EPHA8: variants seen among roughly 807,000 people sequenced by gnomAD.
EPHA8 encodes EPH receptor A8.
EPHA8 carries 58 observed loss-of-function variants against 103.6 expected under a neutral mutation model. That is an observed-to-expected ratio of 0.56 (90% CI 0.45 to 0.70). The LOEUF is 0.70. Among genes scored for constraint, EPHA8 ranks in the 30% least tolerant of loss-of-function variants. EPHA8 has a pLI of 0.00. For missense variants in EPHA8, 1,304 were observed against 1,395.2 expected (o/e 0.93, Z 1.04); for synonymous variants, 559 against 572.5 (o/e 0.98, Z 0.34).
At chr1:22,584,766 C>T (rs1641142325) in intron 3 of EPHA8, among the ~76,000 whole-genome samples, 1 of 152,112 alleles carries the variant, frequency 6.6e-6, no homozygotes, top group South Asian at 2.1e-4. Flanking sequence ...GGGGTCTCTG[C>T]CCAGAGCAGA....
chr1:22,601,045 A>C lies in EPHA8; in HGVS notation c.2686A>C (p.Ile896Leu), dbSNP rs375664082. ...SQIVSVLDAL[I>L]RSPESLRATA... ...GATTGTCAGTGTCCTCGATGCGCTC[A>C]TCCGCAGCCCTGAGAGTCTCAGGGC... The change falls in exon 15 of 17, where the codon ATC becomes CTC. Residue 896 changes from isoleucine (I) to leucine (L), a missense_variant. Ile to Leu is a conservative substitution (Grantham distance 5, BLOSUM62 2). Transcript: ENST00000166244. 1 of 1,612,110 alleles carries C rather than the reference A, an allele frequency of 6.2e-7. No individual in the cohort carries two copies. Among genetic ancestry groups the C allele is most frequent in the Non-Finnish European group, 8.5e-7 (1 of 1,179,602 alleles).
In EPHA8 at chr1:22,596,189, C is replaced by G. The variant is rs762384519; in HGVS notation, c.1765+16C>G. On this transcript the variant is annotated intron_variant, in intron 9 of 16. Transcript: ENST00000166244. Reference sequence around the variant, plus strand: ...AATGGACAGGGTGAGTGCAGGGGCCCGGTGGTCTGGGGCAGAGGGAAGGCC... The same window carrying G: ...AATGGACAGGGTGAGTGCAGGGGCCGGGTGGTCTGGGGCAGAGGGAAGGCC... 1.9e-6 allele frequency: 3 copies of G among 1,612,712 alleles called. No homozygotes were observed. The highest frequency in any genetic ancestry group is 1.1e-5 in the South Asian group (1 of 90,946).
At position 22,592,836 on chromosome 1, in the gene EPHA8, G is replaced by A. The variant is rs114116487; in HGVS notation, c.1316-490G>A. Among the ~76,000 whole-genome samples, 633 of 133,650 alleles carry A rather than the reference G, an allele frequency of 4.7e-3. 9 individuals are homozygous for A. Among genetic ancestry groups the A allele is most frequent in the African/African-American group, 0.016 (575 of 36,560 alleles). 87.7% of individuals were successfully genotyped at this position (133,650 alleles called of 152,430 possible). A position where few individuals can be genotyped will look rare whatever the true frequency, so the allele number is the denominator to read the frequency against. On this transcript the variant is annotated intron_variant, in intron 5 of 16. Transcript: ENST00000166244. ...CATGAAGAAAGGCATGGGTGACGCC[G>A]TCAAGGAGGGAGGGGTGGGCGGGCA...
rs759848330 is a variant in EPHA8, at chr1:22,599,051, C to T, written c.2388+4C>T. The stretch of plus-strand genomic sequence containing the variant: ...GGATGCTGCCTACACCACCACGGTG[C>T]GTCGCCCACACTCCTTCCGGCTAGA... On this transcript the variant is annotated splice_donor_region_variant and intron_variant, in intron 13 of 16. Transcript: ENST00000166244. 11 of 1,593,320 alleles carry T rather than the reference C, an allele frequency of 6.9e-6. No homozygotes were observed. The highest frequency in any genetic ancestry group is 1.8e-5 in the Admixed American group (1 of 57,112).
chr1:22,578,490 A>G (rs961726483), intron 3 of EPHA8, among the ~76,000 whole-genome samples: 6 of 132,252 alleles, frequency 4.5e-5, no homozygotes, highest in Admixed American at 3.1e-4. Context: ...GAGTGTGTGC[A>G]TGTGTGCATG....
chr1:22,583,377 G>A (rs1036673149), intron 3 of EPHA8, among the ~76,000 whole-genome samples: 1 of 152,214 alleles, frequency 6.6e-6, no homozygotes, highest in African/African-American at 2.4e-5. Flanking sequence ...GGTATTAGCC[G>A]AGTGTGTGAG....
At chr1:22,596,030 A>G (rs1402705126) in intron 8 of EPHA8, 76 bp from the exon 9 acceptor site, 2 of 1,371,634 alleles carry the variant, frequency 1.5e-6, no homozygotes, top group Non-Finnish European at 2.1e-6. Flanking sequence ...AGAAGCCATG[A>G]CTCGTTCCCT....
Position 22,569,273 on chromosome 1 carries a change from G to A in EPHA8, c.95-16G>A. 1.2e-6 allele frequency: 2 copies of A among 1,613,262 alleles called. No individual in the cohort carries two copies. Among genetic ancestry groups the A allele is most frequent in the East Asian group, 2.2e-5 (1 of 44,752 alleles). On this transcript the variant is annotated splice_polypyrimidine_tract_variant and intron_variant, in intron 1 of 16. Coordinates refer to ENST00000166244, the MANE Select transcript of EPHA8 (RefSeq NM_020526.5). This position sits in a 1 kb window ranked among gnomAD's most constrained non-coding sequence, Gnocchi z 4.5. ...AGTCAGAGGGGCCTGATGCCCTCTT[G>A]TCTCCTGTTTTACAGTGAATTTGCT...
chr1:22,595,389 A>G, intron 8 of EPHA8, 66 bp downstream of exon 8: 1 of 1,365,546 alleles, frequency 7.3e-7, no homozygotes, highest in Non-Finnish European at 1.0e-6. Flanking sequence ...GCCTGCCCCC[A>G]GCCCCACCGA....
In EPHA8 at chr1:22,597,556, C is replaced by T; in HGVS notation, c.1930+80C>T. 6.4e-7 allele frequency: 1 copy of T among 1,569,720 alleles called. No individual in the cohort carries two copies. Among genetic ancestry groups the T allele is most frequent in the South Asian group, 1.2e-5 (1 of 83,472 alleles). On this transcript the variant is annotated intron_variant, in intron 10 of 16. Coordinates refer to ENST00000166244, the MANE Select transcript of EPHA8 (RefSeq NM_020526.5). The surrounding 1 kb of genome is among the most constrained non-coding windows in gnomAD (Gnocchi z 4.6). ...CAGGGCAAGGTGGGGGCACCCAGGG[C>T]AGAGGGAGCGTGTGACCCAGGGGTC...
In EPHA8 at chr1:22,601,341, G is replaced by C. The variant is rs147939357; in HGVS notation, c.2771G>C (p.Arg924Pro). ...TTCGTCCGGAGCTGCTTTGACCTCC[G>C]AGGGGGCAGCGGTGGCGGTGGGGGC... The part of the protein sequence containing the change: ...PAFVRSCFDL[R>P]GGSGGGGGLT... The change falls in exon 16 of 17, where the codon CGA becomes CCA. Residue 924 changes from arginine to proline, a missense_variant. Coordinates refer to ENST00000166244, the MANE Select transcript of EPHA8 (RefSeq NM_020526.5). 6.2e-7 allele frequency: 1 copy of C among 1,607,548 alleles called. No homozygotes were observed. The highest frequency in any genetic ancestry group is 8.5e-7 in the Non-Finnish European group (1 of 1,178,374).
chr1:22,590,269 G>A (rs1641338475), intron 5 of EPHA8, among the ~76,000 whole-genome samples: 1 of 152,196 alleles, frequency 6.6e-6, no homozygotes, highest in Non-Finnish European at 1.5e-5. Context: ...GTCCCAAGTG[G>A]AGGGGAGAGC....
chr1:22,596,221 G>C lies in EPHA8; in HGVS notation c.1765+48G>C, dbSNP rs755714455. The C allele has an allele frequency of 2.5e-6, 4 of 1,585,352 alleles. No individual in the cohort carries two copies. In the African/African-American group the frequency reaches 5.4e-5, roughly 21 times the overall value. ...CTGGGGCAGAGGGAAGGCCACAGGG[G>C]GACCCAGTGCTGGACTGGGGGTGGC... On this transcript the variant is annotated intron_variant, in intron 9 of 16. Transcript: ENST00000166244.
intron 2 of EPHA8, among the ~76,000 whole-genome samples, chr1:22,572,737 T>C (rs187070327): frequency 2.6e-5 from 4 of 152,324 alleles, no homozygotes; most frequent in Admixed American, 2.6e-4. Context: ...GTTCGCTGCA[T>C]TCTGATATGG....
chr1:22,576,392 C>CT lies in EPHA8; in HGVS notation c.336dup (p.Gly113TrpfsTer90), dbSNP rs751321819. The CT allele has an allele frequency of 1.9e-6, 3 of 1,613,936 alleles. No individual in the cohort carries two copies. In the East Asian group the frequency reaches 6.7e-5, roughly 36 times the overall value. ...ACCCTGCGCGACTGCAACAGCATGC[C>CT]TGGTGTGCTGGGCACCTGCAAGGAG... On this transcript the variant is annotated frameshift_variant, in exon 3 of 17. Transcript: ENST00000166244. LOFTEE classifies it high-confidence loss of function. The surrounding 1 kb of genome is among the most constrained non-coding windows in gnomAD (Gnocchi z 4.8).
intron 3 of EPHA8, among the ~76,000 whole-genome samples, chr1:22,584,385 T>A (rs1424133647): frequency 1.3e-5 from 2 of 152,186 alleles, no homozygotes; most frequent in Non-Finnish European, 2.9e-5. Context: ...CAATGGTGCG[T>A]ATTTTCCCCC....
At chr1:22,578,479 TGA>T (rs1320668894) in intron 3 of EPHA8, among the ~76,000 whole-genome samples, 46 of 144,940 alleles carry the variant, frequency 3.2e-4, no homozygotes, top group African/African-American at 1.0e-3. Context: ...TGCATGTGCA[TGA>T]GTGTGTGCAT....
chr1:22,570,622 A>G (rs1354617487), intron 2 of EPHA8, among the ~76,000 whole-genome samples: 2 of 152,034 alleles, frequency 1.3e-5, no homozygotes, highest in Admixed American at 1.3e-4. Context: ...AAGTGTAGAC[A>G]CGGCCCCACT....
chr1:22,580,765 G>C (rs569055197), intron 3 of EPHA8, among the ~76,000 whole-genome samples: 3 of 152,346 alleles, frequency 2.0e-5, no homozygotes, highest in South Asian at 2.1e-4. Flanking sequence ...TTTACAGATG[G>C]GGAAGCTGAG....
Sources: allele counts gnomAD v4.1 joint callset (sites outside exome capture counted in the v4.1 genomes callset), GRCh38; gene constraint gnomAD v4.1.1; non-coding constraint Gnocchi (gnomAD v3.1); transcripts MANE v1.5; gene names NCBI Gene and HGNC (gene_info 2026-07-23, HGNC 2026-07-21).